The following MAST4 variants were observed in gnomAD, a reference collection of about 807,000 sequenced individuals.
MAST4 encodes the protein microtubule-associated serine/threonine-protein kinase 4.
In MAST4, 89 loss-of-function variants were observed where a neutral mutation model predicts 162.7. The observed-to-expected ratio is 0.55, with a 90% confidence interval of 0.46 to 0.65. The LOEUF is 0.65. Among genes scored for constraint, MAST4 ranks in the 30% least tolerant of loss-of-function variants. The pLI is 0.00. For missense variants in MAST4, 3,153 were observed against 3,374.0 expected, an observed-to-expected ratio of 0.93 and a Z score of 1.62; for synonymous variants, 1,479 against 1,361.1, an observed-to-expected ratio of 1.09 and a Z score of -1.91.
chr5:66,731,048 A>G (rs1751817234), intron 1 of MAST4, among the ~76,000 whole-genome samples: 1 of 152,196 alleles, frequency 6.6e-6, no homozygotes, highest in Admixed American at 6.5e-5. Flanking sequence ...CCCTAGTTAT[A>G]CATACTATAT....
intron 4 of MAST4, among the ~76,000 whole-genome samples, chr5:66,976,993 C>T (rs903765888): frequency 6.6e-6 from 1 of 152,172 alleles, no homozygotes; most frequent in East Asian, 1.9e-4. Context: ...GAGTGGCAGG[C>T]CAAGAGCTTT....
chr5:66,932,088 G>A (rs1025686528), intron 4 of MAST4, among the ~76,000 whole-genome samples: 1 of 152,144 alleles, frequency 6.6e-6, no homozygotes, highest in Non-Finnish European at 1.5e-5. Context: ...TAAGTAATGA[G>A]GGCTTTTTAT....
chr5:66,926,514 G>T (rs1331982891), intron 4 of MAST4, among the ~76,000 whole-genome samples: 1 of 151,864 alleles, frequency 6.6e-6, no homozygotes, highest in African/African-American at 2.4e-5. Context: ...GCCACTGCAG[G>T]CCAGCCTGGG....
rs1414345198 is a variant in MAST4 at position 66,837,900 on chromosome 5, T to A, written c.642+49106T>A. ...TATATATATATATATATATATTTTT[T>A]TTTTTTTTTTTTTTTTTAATGTGGA... On this transcript the variant is annotated intron_variant, in intron 3 of 28. Transcript: ENST00000403625. Among the ~76,000 whole-genome samples, 240 of 40,936 alleles carry A rather than the reference T, an allele frequency of 5.9e-3. 1 individual carries two copies. The highest frequency in any genetic ancestry group is 7.1e-3 in the African/African-American group (101 of 14,152). 26.9% of individuals were successfully genotyped at this position (40,936 alleles called of 152,430 possible).
intron 4 of MAST4, among the ~76,000 whole-genome samples, chr5:66,983,951 G>T (rs1199393980): frequency 6.6e-6 from 1 of 152,184 alleles, no homozygotes; most frequent in East Asian, 1.9e-4. Flanking sequence ...TGGTAACACA[G>T]AGGAGGCACT....
At chr5:67,144,924 T>C in intron 22 of MAST4, 128 bp downstream of exon 22, 1 of 1,191,368 alleles carries the variant, frequency 8.4e-7, no homozygotes, top group Non-Finnish European at 1.2e-6. Context: ...GAGTTTCTCA[T>C]CCAGTAGATC....
chr5:66,908,866 C>T (rs1383496009), intron 4 of MAST4, among the ~76,000 whole-genome samples: 1 of 152,182 alleles, frequency 6.6e-6, no homozygotes, highest in Non-Finnish European at 1.5e-5. Context: ...TGACCTTAAC[C>T]TCTATGTGCC....
chr5:66,837,425 G>C (rs774743627), intron 3 of MAST4, among the ~76,000 whole-genome samples: 16 of 152,180 alleles, frequency 1.1e-4, no homozygotes, highest in Admixed American at 4.6e-4. Flanking sequence ...GGTTTTGGGT[G>C]CCTGTTTTTA....
At chr5:67,055,514 CTGTTA>C (rs1395415321) in intron 5 of MAST4, among the ~76,000 whole-genome samples, 1 of 152,050 alleles carries the variant, frequency 6.6e-6, no homozygotes, top group Non-Finnish European at 1.5e-5. Flanking sequence ...TGGGAGTTGT[CTGTTA>C]TATTACTGGG....
chr5:66,984,349 A>T lies in MAST4; in HGVS notation c.675-70055A>T, dbSNP rs549710276. ...AGAGTGGTGTGGGCACAGGGCACAC[A>T]TGTGGATGAGTGGGCAGAGAGGCAG... On this transcript the variant is annotated intron_variant, in intron 4 of 28. Transcript: ENST00000403625. 1.8e-4 allele frequency among the ~76,000 whole-genome samples: 28 copies of T among 152,312 alleles called. No homozygotes were observed. The East Asian group carries it at 5.2e-3, about 28-fold the overall frequency.
chr5:66,900,677 C>T (rs187669981), intron 4 of MAST4, among the ~76,000 whole-genome samples: 1 of 151,886 alleles, frequency 6.6e-6, no homozygotes, highest in East Asian at 1.9e-4. Context: ...CATTTGATGT[C>T]TGATTTAAGT....
intron 3 of MAST4, among the ~76,000 whole-genome samples, chr5:66,876,224 G>A: frequency 6.6e-6 from 1 of 152,188 alleles, no homozygotes; most frequent in East Asian, 1.9e-4. Context: ...TGAATTGCCT[G>A]GTAAACACTA....
At chr5:66,935,008 T>G (rs1256567887) in intron 4 of MAST4, among the ~76,000 whole-genome samples, 1 of 152,228 alleles carries the variant, frequency 6.6e-6, no homozygotes, top group Non-Finnish European at 1.5e-5. Flanking sequence ...TCCAATCTAG[T>G]TCTGCCACTT....
At chr5:66,893,625 GAGAA>G (rs1364705183) in intron 3 of MAST4, among the ~76,000 whole-genome samples, 1 of 152,116 alleles carries the variant, frequency 6.6e-6, no homozygotes, top group African/African-American at 2.4e-5. Context: ...TCTGTAAAAA[GAGAA>G]AGATAATTTA....
chr5:66,757,992 T>A (rs1284523255), intron 1 of MAST4, among the ~76,000 whole-genome samples: 1 of 152,084 alleles, frequency 6.6e-6, no homozygotes, highest in Non-Finnish European at 1.5e-5. Context: ...AGGACACTGA[T>A]GTAATAAACA....
At chr5:66,910,855 C>A (rs1472311094) in intron 4 of MAST4, among the ~76,000 whole-genome samples, 2 of 148,808 alleles carry the variant, frequency 1.3e-5, no homozygotes, top group Non-Finnish European at 3.0e-5. Context: ...TCAGGCGATT[C>A]TCCTGCCTCA....
In MAST4 at chr5:67,163,679, C is replaced by T; in HGVS notation, c.4500C>T (p.Ser1500=). 2 of 1,608,446 alleles carry T rather than the reference C, an allele frequency of 1.2e-6. No individual in the cohort carries two copies. Among genetic ancestry groups the T allele is most frequent in the East Asian group, 2.2e-5 (1 of 44,658 alleles). Residue 1500 remains serine (S), a synonymous_variant, in exon 29 of 29, where the codon AGC becomes AGT. Transcript: ENST00000403625. This position sits in a 1 kb window ranked among gnomAD's most constrained non-coding sequence, Gnocchi z 7.0. ...ACGTGTGCGACGTGCCGCCGCTCAG[C>T]CGCGCCCGGCCAGTGGAGCAAGGCT... ...DENVCDVPPL[S]RARPVEQGCL...
At chr5:67,001,505 C>T (rs997083861) in intron 4 of MAST4, 16 of 152,062 alleles carry the variant, frequency 1.1e-4, no homozygotes, top group African/African-American at 3.6e-4. Context: ...TGTCTTTACC[C>T]ATTCCTTTGA....
intron 4 of MAST4, among the ~76,000 whole-genome samples, chr5:66,977,331 C>A (rs556158742): frequency 6.6e-6 from 1 of 152,036 alleles, no homozygotes; most frequent in Non-Finnish European, 1.5e-5. Context: ...TAACTCCCAA[C>A]CTCAGGTGAT....
Sources: allele counts gnomAD v4.1 joint callset (sites outside exome capture counted in the v4.1 genomes callset), GRCh38; gene constraint gnomAD v4.1.1; non-coding constraint Gnocchi (gnomAD v3.1); transcripts MANE v1.5; gene names NCBI Gene and HGNC (gene_info 2026-07-23, HGNC 2026-07-21).